GRID2: variants seen among roughly 807,000 people sequenced by gnomAD.
GRID2 encodes glutamate receptor ionotropic, delta-2.
A neutral mutation model predicts 114.8 loss-of-function variants in GRID2; 33 were observed. The observed-to-expected ratio is 0.29, with a 90% CI of 0.22 to 0.38. The LOEUF (loss-of-function observed/expected upper bound fraction) is 0.38. Among genes scored for constraint, GRID2 ranks in the 10% least tolerant of loss-of-function variants. GRID2 has a pLI of 1.00. For synonymous variants in GRID2, 505 were observed against 449.9 expected (o/e 1.12, Z -1.55); for missense variants, 1,184 against 1,257.7 (o/e 0.94, Z 0.89).
chr4:93,226,119 G>C (rs906199307), intron 7 of GRID2, among the ~76,000 whole-genome samples: 1 of 152,114 alleles, frequency 6.6e-6, no homozygotes, highest in Non-Finnish European at 1.5e-5. Flanking sequence ...TAAAATCATA[G>C]TATTCCATCC....
chr4:92,774,308 G>A (rs945340294), intron 2 of GRID2, among the ~76,000 whole-genome samples: 1 of 152,094 alleles, frequency 6.6e-6, no homozygotes, highest in African/African-American at 2.4e-5. Flanking sequence ...ACAACCCACG[G>A]CCATGGGAGA....
chr4:92,465,969 C>A (rs750138443), intron 1 of GRID2, among the ~76,000 whole-genome samples: 1 of 151,328 alleles, frequency 6.6e-6, no homozygotes, highest in Non-Finnish European at 1.5e-5. Flanking sequence ...TCTCACAGCC[C>A]CCTTTTTATA....
rs146386962 is a variant in GRID2, at chr4:93,157,184, T to C, written c.735+46231T>C. On this transcript the variant is annotated intron_variant, in intron 4 of 15. Transcript: ENST00000282020. ...AATGTAGATTTCAACCTTAAGCCTA[T>C]CTACTCAAATTCCTGCTTCATACTC... Among the ~76,000 whole-genome samples, 650 of 151,822 alleles carry C rather than the reference T, an allele frequency of 4.3e-3. 9 individuals carry two copies. The highest frequency in any genetic ancestry group is 0.015 in the African/African-American group (627 of 41,490).
chr4:92,388,136 A>G (rs574002722), intron 1 of GRID2, among the ~76,000 whole-genome samples: 72 of 152,174 alleles, frequency 4.7e-4, no homozygotes, highest in Non-Finnish European at 8.8e-4. Flanking sequence ...AGAGAACTCT[A>G]AAAGGGGTCA....
At chr4:92,729,337 A>G (rs1356030329) in intron 2 of GRID2, among the ~76,000 whole-genome samples, 1 of 152,072 alleles carries the variant, frequency 6.6e-6, no homozygotes. Context: ...TAAATATAAT[A>G]TATACCCAAT....
chr4:92,326,068 A>G (rs1369175627), intron 1 of GRID2, among the ~76,000 whole-genome samples: 1 of 151,832 alleles, frequency 6.6e-6, no homozygotes, highest in East Asian at 1.9e-4. Flanking sequence ...AGTTACAGGG[A>G]TTTAGGTAAG....
At chr4:92,866,667 C>T (rs1360567879) in intron 2 of GRID2, among the ~76,000 whole-genome samples, 2 of 151,946 alleles carry the variant, frequency 1.3e-5, no homozygotes, top group Non-Finnish European at 2.9e-5. Context: ...CCTCAGCCTC[C>T]CGAGTAGCTG....
At chr4:92,528,590 A>T (rs1725156247) in intron 1 of GRID2, among the ~76,000 whole-genome samples, 1 of 151,968 alleles carries the variant, frequency 6.6e-6, no homozygotes, top group Non-Finnish European at 1.5e-5. Flanking sequence ...CAGCATTCTC[A>T]GGGTATACTG....
chr4:92,411,655 G>GTGTGTATATATATATATATATATATATA, intron 1 of GRID2, among the ~76,000 whole-genome samples: 29 of 84,674 alleles, frequency 3.4e-4, no homozygotes, highest in African/African-American at 6.4e-4. Context: ...GTGTGTGTGT[G>GTGTGTATATATATATATATATATATATA]TATATATATA....
rs184104149 is a variant in GRID2, at chr4:92,840,968, C to T, written c.245-244027C>T. Among the ~76,000 whole-genome samples, 3 of 152,010 alleles carry T rather than the reference C, an allele frequency of 2.0e-5. No individual in the cohort carries two copies. In the East Asian group the frequency reaches 5.8e-4, roughly 29 times the overall value. On this transcript the variant is annotated intron_variant, in intron 2 of 15. Transcript: ENST00000282020. ...ATTCTTTTCTTCTTAATAACTATTC[C>T]AAATGGAGAATGAACACTGAAACAA...
intron 1 of GRID2, among the ~76,000 whole-genome samples, chr4:92,572,588 A>G (rs565919977): frequency 6.6e-6 from 1 of 152,286 alleles, no homozygotes; most frequent in South Asian, 2.1e-4. Context: ...ACAAAAAAAG[A>G]GAATTTTAGA....
chr4:93,294,806 C>A (rs1357181124), intron 8 of GRID2, among the ~76,000 whole-genome samples: 4 of 152,032 alleles, frequency 2.6e-5, no homozygotes, highest in Admixed American at 1.3e-4. Context: ...GTGATCGGCC[C>A]GCCTCAGCCT....
chr4:93,704,868 G>C (rs1365411326), intron 14 of GRID2, among the ~76,000 whole-genome samples: 1 of 152,126 alleles, frequency 6.6e-6, no homozygotes, highest in Non-Finnish European at 1.5e-5. Context: ...GGACACTTAG[G>C]TTGCTTCCAA....
intron 2 of GRID2, among the ~76,000 whole-genome samples, chr4:92,933,673 G>A (rs983639460): frequency 4.6e-5 from 7 of 151,450 alleles, no homozygotes; most frequent in South Asian, 4.2e-4. Flanking sequence ...CCCTCCACTC[G>A]GTCTCTTTAA....
intron 2 of GRID2, among the ~76,000 whole-genome samples, chr4:92,840,764 A>G (rs1046989583): frequency 6.6e-6 from 1 of 152,120 alleles, no homozygotes; most frequent in African/African-American, 2.4e-5. Context: ...CACCAGTAGT[A>G]TCTTTCCAAG....
chr4:93,232,195 GAACACCTTT>G (rs1746227502), intron 7 of GRID2, among the ~76,000 whole-genome samples: 1 of 152,034 alleles, frequency 6.6e-6, no homozygotes, highest in Non-Finnish European at 1.5e-5. Flanking sequence ...CTGAATTTTA[GAACACCTTT>G]ACCTCTTTTA....
chr4:93,443,267 C>A (rs1274837068), intron 10 of GRID2, among the ~76,000 whole-genome samples: 1 of 151,886 alleles, frequency 6.6e-6, no homozygotes, highest in Non-Finnish European at 1.5e-5. Context: ...TACATAATTC[C>A]CTATAATGCC....
chr4:93,746,624 AT>A (rs2110269786), intron 14 of GRID2, among the ~76,000 whole-genome samples: 2 of 152,236 alleles, frequency 1.3e-5, no homozygotes, highest in African/African-American at 4.8e-5. Context: ...AAAGTACAAA[AT>A]GTTAAAAAAG....
In GRID2 at chr4:92,489,549, TTGAA is replaced by T. The variant is rs1323080836; in HGVS notation, c.89-100581_89-100578del. 2.6e-3 allele frequency among the ~76,000 whole-genome samples: 403 copies of T among 152,240 alleles called. 1 individual carries two copies. Among genetic ancestry groups the T allele is most frequent in the African/African-American group, 9.3e-3 (386 of 41,552 alleles). On this transcript the variant is annotated intron_variant, in intron 1 of 15. Coordinates refer to ENST00000282020, the MANE Select transcript of GRID2 (RefSeq NM_001510.4). ...AATGATTCATCTAATTTGTTCATTA[TTGAA>T]AGTAAATAAGGGCCGGGCACGGTGG...
Sources: gnomAD v4.1 joint callset for allele counts (sites outside exome capture counted in the v4.1 genomes callset) on GRCh38, gnomAD v4.1.1 for gene constraint, MANE v1.5 for transcripts, NCBI Gene and HGNC (gene_info 2026-07-23, HGNC 2026-07-21) for gene names.